Variants in ENAH observed in about 807,000 individuals in gnomAD.
The protein encoded by ENAH is ENAH actin regulator.
A neutral mutation model predicts 78.7 loss-of-function variants in ENAH; 23 were observed. The observed-to-expected ratio is 0.29, with a 90% CI of 0.21 to 0.41. ENAH has a LOEUF of 0.41. Ranked by LOEUF, ENAH falls within the 10% of genes least tolerant of loss-of-function variation. The pLI is 1.00. For synonymous variants in ENAH, 226 were observed against 241.0 expected (o/e 0.94, Z 0.58); for missense variants, 544 against 691.0 (o/e 0.79, Z 2.39).
chr1:225,623,219 A>G (rs1657326184), intron 1 of ENAH, among the ~76,000 whole-genome samples: 1 of 152,218 alleles, frequency 6.6e-6, no homozygotes, highest in Non-Finnish European at 1.5e-5. Context: ...TATAATTAGC[A>G]AAGTAAATTC....
At chr1:225,557,754 G>A (rs928369140) in intron 2 of ENAH, among the ~76,000 whole-genome samples, 2 of 152,214 alleles carry the variant, frequency 1.3e-5, no homozygotes, top group African/African-American at 4.8e-5. Flanking sequence ...CCAGGAAGCA[G>A]AGGTTGCAGT....
At chr1:225,525,635 G>A (rs893520110) in intron 4 of ENAH, among the ~76,000 whole-genome samples, 22 of 152,294 alleles carry the variant, frequency 1.4e-4, no homozygotes, top group African/African-American at 2.2e-4. Context: ...TCTTTCCTAA[G>A]TTGGATTCCT....
rs1330552940 is a variant in ENAH, at chr1:225,652,929, G to A, written c.-239C>T. On this transcript the variant is annotated 5_prime_UTR_variant, in exon 1 of 14. Transcript: ENST00000366843. ...GGAGGGGGCGGAGAGGCCGAGGCGCGGAGCTGGTCCCCAGGCGGCCGCCGC... is the reference window on the plus strand; with the variant it reads ...GGAGGGGGCGGAGAGGCCGAGGCGCAGAGCTGGTCCCCAGGCGGCCGCCGC... The A allele has an allele frequency of 2.6e-6, 1 of 387,418 alleles. No individual in the cohort carries two copies. The highest frequency in any genetic ancestry group is 4.6e-6 in the Non-Finnish European group (1 of 219,622). The allele number at this position is 387,418 out of a possible 1,614,324, so 24.0% of individuals were successfully genotyped here.
At chr1:225,504,428 T>C (rs1203939306) in intron 11 of ENAH, among the ~76,000 whole-genome samples, 2 of 152,188 alleles carry the variant, frequency 1.3e-5, no homozygotes, top group Admixed American at 6.5e-5. Flanking sequence ...CTGAAAAGCA[T>C]TGCAGGATTA....
intron 3 of ENAH, among the ~76,000 whole-genome samples, chr1:225,531,744 T>A (rs965158227): frequency 4.9e-4 from 74 of 152,186 alleles, no homozygotes; most frequent in East Asian, 5.8e-4. Context: ...GTGCAAAGTA[T>A]TTTATACTAG....
chr1:225,639,744 A>ACACACAC (rs1558949275), intron 1 of ENAH, among the ~76,000 whole-genome samples: 10 of 132,884 alleles, frequency 7.5e-5, no homozygotes, highest in African/African-American at 2.9e-4. Context: ...ACACACACAC[A>ACACACAC]AGAAGGATGG....
intron 4 of ENAH, among the ~76,000 whole-genome samples, chr1:225,519,945 T>C (rs2096454488): frequency 1.3e-5 from 2 of 152,186 alleles, no homozygotes; most frequent in Admixed American, 6.5e-5. Context: ...AATTTAATTG[T>C]ACAAATAATA....
Position 225,522,937 on chromosome 1 carries a change from CATAAAT to C in ENAH, c.435-3378_435-3373del, listed in dbSNP as rs561234324. ...TACTTCTTCTATTTTACCAAAACAA[CATAAAT>C]ATATAGTTTTTAAAGTTTATAACAA... On this transcript the variant is annotated intron_variant, in intron 4 of 13. Transcript: ENST00000366843. Among the ~76,000 whole-genome samples the C allele has an allele frequency of 3.4e-4, 52 of 152,248 alleles. No individual in the cohort carries two copies. In the East Asian group the frequency reaches 7.9e-3, roughly 23 times the overall value.
chr1:225,624,979 G>A (rs985498419), intron 1 of ENAH, among the ~76,000 whole-genome samples: 2 of 152,232 alleles, frequency 1.3e-5, no homozygotes, highest in Non-Finnish European at 2.9e-5. Flanking sequence ...CCCTTAATGT[G>A]ACAGATAGAG....
intron 2 of ENAH, among the ~76,000 whole-genome samples, chr1:225,560,479 A>G (rs2096697025): frequency 6.6e-6 from 1 of 150,528 alleles, no homozygotes. Context: ...TGACAGAGTG[A>G]GACAAAAAAA....
chr1:225,511,313 C>T (rs2096375520), intron 10 of ENAH, among the ~76,000 whole-genome samples: 1 of 152,156 alleles, frequency 6.6e-6, no homozygotes, highest in South Asian at 2.1e-4. Flanking sequence ...GTGAAATATA[C>T]TTTTGTTAAT....
At chr1:225,589,004 G>C (rs1030110448) in intron 1 of ENAH, among the ~76,000 whole-genome samples, 1 of 151,990 alleles carries the variant, frequency 6.6e-6, no homozygotes, top group African/African-American at 2.4e-5. Flanking sequence ...GCAAACAACT[G>C]ATATACATGA....
intron 1 of ENAH, among the ~76,000 whole-genome samples, chr1:225,644,728 T>TTTTGATTTCAC (rs1479320232): frequency 1.3e-5 from 2 of 152,194 alleles, no homozygotes; most frequent in Non-Finnish European, 2.9e-5. Flanking sequence ...AAGGTAGTCA[T>TTTTGATTTCAC]TTTGATTTCA....
intron 1 of ENAH, among the ~76,000 whole-genome samples, chr1:225,590,082 AACACAC>A (rs3050220): frequency 0.047 from 6,143 of 131,408 alleles, 125 homozygotes; most frequent in South Asian, 0.084. Flanking sequence ...CTCATCACTC[AACACAC>A]ACACACACAC....
chr1:225,582,151 TTGTCTTCCCCC>T (rs2096821837), intron 1 of ENAH, among the ~76,000 whole-genome samples: 1 of 152,044 alleles, frequency 6.6e-6, no homozygotes. Context: ...TGAGATCTGG[TTGTCTTCCCCC>T]CCTCTCTCTC....
At chr1:225,627,939 C>T (rs1480694142) in intron 1 of ENAH, among the ~76,000 whole-genome samples, 1 of 150,738 alleles carries the variant, frequency 6.6e-6, no homozygotes, top group Non-Finnish European at 1.5e-5. Flanking sequence ...CCCCCACCAA[C>T]TTATCAAAAT....
chr1:225,637,335 G>C (rs1272084034), intron 1 of ENAH, among the ~76,000 whole-genome samples: 1 of 152,132 alleles, frequency 6.6e-6, no homozygotes, highest in Non-Finnish European at 1.5e-5. Context: ...AGCCTCCCGA[G>C]TAGCTGGGAT....
At chr1:225,648,012 G>C (rs932513765) in intron 1 of ENAH, among the ~76,000 whole-genome samples, 1 of 152,146 alleles carries the variant, frequency 6.6e-6, no homozygotes, top group Admixed American at 6.5e-5. Context: ...GGGGACAAGG[G>C]GGTTGGGGGA....
chr1:225,590,250 G>A (rs533924753), intron 1 of ENAH, among the ~76,000 whole-genome samples: 31 of 152,134 alleles, frequency 2.0e-4, no homozygotes, highest in African/African-American at 6.7e-4. Flanking sequence ...TTGGGAGACC[G>A]AATCACTTGA....
Sources: gnomAD v4.1 joint callset for allele counts (sites outside exome capture counted in the v4.1 genomes callset) on GRCh38, gnomAD v4.1.1 for gene constraint, MANE v1.5 for transcripts, NCBI Gene and HGNC (gene_info 2026-07-23, HGNC 2026-07-21) for gene names.